The following ARSB variants were observed in gnomAD, a reference collection of about 807,000 sequenced individuals.
The protein encoded by ARSB is N-acetylgalactosamine-4-sulfatase.
A neutral mutation model predicts 50.9 loss-of-function variants in ARSB; 41 were observed. That is an observed-to-expected ratio of 0.81 (90% CI 0.63 to 1.04). The LOEUF (loss-of-function observed/expected upper bound fraction) is 1.04, where lower values mean the gene tolerates loss of function less well. ARSB is among the 50% of genes least tolerant of loss of function. The probability of loss-of-function intolerance (pLI) is 0.00; values close to 1 mark genes in which losing one functional copy is unlikely to be tolerated. For missense variants in ARSB, 672 were observed against 693.3 expected, an observed-to-expected ratio of 0.97 and a Z score of 0.35; for synonymous variants, 269 against 284.8, an observed-to-expected ratio of 0.94 and a Z score of 0.56.
chr5:78,938,867 G>C (rs1486926427), intron 4 of ARSB, among the ~76,000 whole-genome samples: 2 of 152,226 alleles, frequency 1.3e-5, no homozygotes, highest in Non-Finnish European at 2.9e-5. Flanking sequence ...ATTTGTCTAA[G>C]TAGAAATGTG....
intron 6 of ARSB, among the ~76,000 whole-genome samples, chr5:78,832,426 T>C (rs1169043330): frequency 1.3e-5 from 2 of 152,206 alleles, no homozygotes; most frequent in Non-Finnish European, 2.9e-5. Flanking sequence ...GGTTTGGCTT[T>C]AGCTTAACTG....
chr5:78,785,291 T>A (rs1749047764), intron 6 of ARSB, among the ~76,000 whole-genome samples: 8 of 152,228 alleles, frequency 5.3e-5, no homozygotes, highest in Admixed American at 5.2e-4. Flanking sequence ...TAATACGGAC[T>A]ATGAATTATC....
intron 4 of ARSB, among the ~76,000 whole-genome samples, chr5:78,913,354 G>A (rs952844941): frequency 2.6e-5 from 4 of 152,274 alleles, no homozygotes; most frequent in Admixed American, 1.3e-4. Context: ...TCGATCTCCT[G>A]ACCTCGTGAT....
At chr5:78,959,155 A>G (rs531169504) in intron 3 of ARSB, among the ~76,000 whole-genome samples, 6 of 152,104 alleles carry the variant, frequency 3.9e-5, no homozygotes, top group Non-Finnish European at 8.8e-5. Flanking sequence ...AGTTCTCACA[A>G]GGTCTGCTGG....
chr5:78,931,642 TAG>T (rs369756473), intron 4 of ARSB, among the ~76,000 whole-genome samples: 40 of 150,548 alleles, frequency 2.7e-4, no homozygotes, highest in African/African-American at 9.1e-4. Flanking sequence ...TGAAATTTTG[TAG>T]AGAGTCATGT....
At chr5:78,917,470 A>G (rs756769470) in intron 4 of ARSB, among the ~76,000 whole-genome samples, 1 of 152,080 alleles carries the variant, frequency 6.6e-6, no homozygotes, top group Non-Finnish European at 1.5e-5. Flanking sequence ...ATTTTTCTCA[A>G]TTAAATCACT....
intron 5 of ARSB, among the ~76,000 whole-genome samples, chr5:78,841,330 AAAAC>A (rs1295688486): frequency 6.6e-6 from 1 of 152,168 alleles, no homozygotes; most frequent in Non-Finnish European, 1.5e-5. Flanking sequence ...ACTCTGTCTT[AAAAC>A]AAACAAACAA....
intron 5 of ARSB, among the ~76,000 whole-genome samples, chr5:78,849,318 G>T (rs1313233342): frequency 6.6e-6 from 1 of 151,666 alleles, no homozygotes; most frequent in Admixed American, 6.6e-5. Flanking sequence ...TTTATTAAAT[G>T]GGGAATCCTT....
At chr5:78,866,041 T>A (rs1386124089) in intron 5 of ARSB, among the ~76,000 whole-genome samples, 1 of 152,230 alleles carries the variant, frequency 6.6e-6, no homozygotes, top group Admixed American at 6.5e-5. Flanking sequence ...CCTCTGCCTA[T>A]TACCCAGTTC....
intron 4 of ARSB, among the ~76,000 whole-genome samples, chr5:78,896,245 G>A (rs1748553087): frequency 6.6e-6 from 1 of 152,164 alleles, no homozygotes; most frequent in Admixed American, 6.5e-5. Flanking sequence ...GTCGCAGCAT[G>A]ATCTAGATGG....
At chr5:78,782,046 C>T (rs918640798) in intron 6 of ARSB, 72 bp from the exon 7 acceptor site, 3 of 1,587,520 alleles carry the variant, frequency 1.9e-6, no homozygotes, top group Middle Eastern at 1.7e-4. Context: ...GCATTTTATA[C>T]CCTTGCAGAA....
intron 5 of ARSB, among the ~76,000 whole-genome samples, chr5:78,873,497 A>ATTTTTTTTT (rs1561475467): frequency 9.0e-4 from 21 of 23,446 alleles, no homozygotes; most frequent in South Asian, 2.5e-3. Flanking sequence ...TTAAAACTGT[A>ATTTTTTTTT]ATTTTTTTTT....
chr5:78,876,684 G>A (rs2112175912), intron 5 of ARSB, among the ~76,000 whole-genome samples: 1 of 152,312 alleles, frequency 6.6e-6, no homozygotes, highest in Middle Eastern at 3.4e-3. Flanking sequence ...AGAAGAGAAA[G>A]CTGCACAGAA....
At chr5:78,852,697 T>C (rs893450988) in intron 5 of ARSB, among the ~76,000 whole-genome samples, 4 of 152,176 alleles carry the variant, frequency 2.6e-5, no homozygotes, top group Non-Finnish European at 5.9e-5. Flanking sequence ...GGTACACCAA[T>C]CAGACGTAGA....
intron 6 of ARSB, among the ~76,000 whole-genome samples, chr5:78,838,583 C>T (rs1051909243): frequency 2.0e-5 from 3 of 152,108 alleles, no homozygotes; most frequent in Non-Finnish European, 4.4e-5. Context: ...CAGAAAGGAG[C>T]GGATGGGAGC....
intron 5 of ARSB, among the ~76,000 whole-genome samples, chr5:78,863,822 T>C (rs1746572648): frequency 1.3e-5 from 2 of 152,216 alleles, no homozygotes; most frequent in East Asian, 3.9e-4. Context: ...TTGTTGTTCC[T>C]ATCATCTTTA....
chr5:78,873,235 G>C (rs1279791465), intron 5 of ARSB, among the ~76,000 whole-genome samples: 1 of 151,938 alleles, frequency 6.6e-6, no homozygotes, highest in Admixed American at 6.6e-5. Context: ...ACTTTTTAAA[G>C]GAAGGGAACT....
intron 4 of ARSB, among the ~76,000 whole-genome samples, chr5:78,914,825 C>A (rs1749469312): frequency 1.3e-5 from 2 of 152,160 alleles, no homozygotes; most frequent in African/African-American, 4.8e-5. Flanking sequence ...TGCCACCACG[C>A]CCAGCTAATT....
intron 5 of ARSB, among the ~76,000 whole-genome samples, chr5:78,864,170 G>T (rs536874310): frequency 6.6e-6 from 1 of 152,132 alleles, no homozygotes; most frequent in South Asian, 2.1e-4. Context: ...GGGTTAGGGG[G>T]TACAAGAGGA....
Sources: gnomAD v4.1 joint callset for allele counts (sites outside exome capture counted in the v4.1 genomes callset) on GRCh38, gnomAD v4.1.1 for gene constraint, MANE v1.5 for transcripts, NCBI Gene and HGNC (gene_info 2026-07-23, HGNC 2026-07-21) for gene names.